Variants in IPO5 observed in about 807,000 individuals in gnomAD.
IPO5 encodes the protein importin-5.
IPO5 carries 18 observed loss-of-function variants against 143.3 expected under a neutral mutation model. That is an observed-to-expected ratio of 0.13 (90% CI 0.09 to 0.19). The LOEUF (loss-of-function observed/expected upper bound fraction) is 0.19. IPO5 is among the 10% of genes least tolerant of loss of function. The pLI, the probability that IPO5 is intolerant of heterozygous loss-of-function variation, is 1.00. For missense variants in IPO5, 1,013 were observed against 1,336.9 expected (o/e 0.76, Z 3.78); for synonymous variants, 477 against 465.7 (o/e 1.02, Z -0.31).
At chr13:97,970,155 T>C (rs999136296) in intron 3 of IPO5, among the ~76,000 whole-genome samples, 2 of 152,232 alleles carry the variant, frequency 1.3e-5, no homozygotes, top group Non-Finnish European at 2.9e-5. Flanking sequence ...CTAGTAGCCA[T>C]ATTTTTAACA....
intron 21 of IPO5, 99 bp downstream of exon 21, chr13:98,012,441 A>C (rs2139834455): frequency 1.3e-6 from 1 of 762,860 alleles, no homozygotes; most frequent in East Asian, 2.5e-5. Context: ...CTTCACCATG[A>C]TTGTTTGTAT....
chr13:98,007,089 C>T (rs1889327515), intron 17 of IPO5, among the ~76,000 whole-genome samples: 1 of 151,718 alleles, frequency 6.6e-6, no homozygotes. Flanking sequence ...GCCAGGCTAG[C>T]CCTGATCTCC....
At chr13:98,008,330 C>T (rs756733864) in intron 18 of IPO5, among the ~76,000 whole-genome samples, 188 bp downstream of exon 18, 8 of 152,140 alleles carry the variant, frequency 5.3e-5, no homozygotes, top group Non-Finnish European at 1.0e-4. Flanking sequence ...GTAGGTTGCT[C>T]TTGCTTTCTG....
Position 98,016,812 on chromosome 13 carries a change from A to G in IPO5, c.2577A>G (p.Pro859=), listed in dbSNP as rs764390237. 1.4e-5 allele frequency: 22 copies of G among 1,580,626 alleles called. No individual in the cohort carries two copies. The East Asian group carries it at 4.3e-4, about 31-fold the overall frequency. ...GTAGCTACAAAGAAAAGGTGTTACC[A>G]TGGTTTGAACAGCTGCTTCCATTAA... The part of the protein sequence containing the change: ...IFSSYKEKVL[P]WFEQLLPLIV... Residue 859 remains proline (P), a synonymous_variant, in exon 25 of 29, where the codon CCA becomes CCG. Transcript: ENST00000651721.
chr13:97,990,587 T>C lies in IPO5; in HGVS notation c.669+50T>C, dbSNP rs547271552. On this transcript the variant is annotated intron_variant, in intron 9 of 28. Transcript: ENST00000651721. ...CATAATTATATCTTATTTGGTTCTT[T>C]AATGCATTCAATCATTTATGCAATA... is the stretch of plus-strand genomic sequence containing the variant. The C allele has an allele frequency of 7.8e-6, 8 of 1,020,924 alleles. No individual in the cohort carries two copies. The South Asian group carries it at 8.6e-5, about 11-fold the overall frequency. 63.2% of individuals were successfully genotyped at this position (1,020,924 alleles called of 1,614,324 possible). A position where few individuals can be genotyped will look rare whatever the true frequency, so the allele number is the denominator to read the frequency against.
chr13:97,974,568 C>A (rs550153271), intron 3 of IPO5, among the ~76,000 whole-genome samples: 1 of 151,888 alleles, frequency 6.6e-6, no homozygotes, highest in Non-Finnish European at 1.5e-5. Context: ...CCTCGGCCCC[C>A]CAAAGTGCTG....
intron 3 of IPO5, 40 bp from the exon 4 acceptor site, chr13:97,976,653 C>G: frequency 2.9e-6 from 3 of 1,045,070 alleles, no homozygotes; most frequent in Non-Finnish European, 3.9e-6. Context: ...GCGCGCCTCA[C>G]GGCTCCTGTC....
rs774478039 is a variant in IPO5, at chr13:97,976,764, A to G, written c.68A>G (p.Asn23Ser). 6.4e-6 allele frequency: 9 copies of G among 1,404,152 alleles called. No individual in the cohort carries two copies. The highest frequency in any genetic ancestry group is 7.6e-5 in the East Asian group (2 of 26,278). 87.0% of individuals were successfully genotyped at this position (1,404,152 alleles called of 1,614,324 possible). A position where few individuals can be genotyped will look rare whatever the true frequency, so the allele number is the denominator to read the frequency against. The change falls in exon 4 of 29, where the codon AAT becomes AGT. Residue 23 changes from asparagine (N) to serine (S), a missense_variant. Around this residue, in one of 2 missense-constraint regions of IPO5, gnomAD observed 328 missense variants for 342.0 expected, o/e 0.96. Coordinates refer to ENST00000651721, the MANE Select transcript of IPO5 (RefSeq NM_002271.6). The part of the protein sequence containing the change: ...LLLGNLLSPD[N>S]VVRKQAEETY... ...CTGGGAAACCTGCTCAGCCCCGACA[A>G]TGTGGTCCGGAAACAGGCAGAGGTA...
At chr13:98,007,671 T>G in intron 17 of IPO5, 1 of 162,086 alleles carries the variant, frequency 6.2e-6, no homozygotes. Flanking sequence ...GCTGCCTGTT[T>G]ATACAATGGA....
chr13:97,953,916 C>T (rs753775919), intron 1 of IPO5, 200 bp downstream of exon 1: 2 of 455,894 alleles, frequency 4.4e-6, no homozygotes, highest in Admixed American at 2.4e-5. Flanking sequence ...GAACATTCTA[C>T]ACAAAAACCA....
intron 9 of IPO5, among the ~76,000 whole-genome samples, 173 bp downstream of exon 9, chr13:97,990,710 AAG>A (rs1274557448): frequency 3.9e-5 from 6 of 152,178 alleles, no homozygotes; most frequent in Admixed American, 6.5e-5. Context: ...CTGCCTTTGA[AAG>A]ACATTTTTAG....
chr13:98,010,186 G>T lies in IPO5; in HGVS notation c.2017G>T (p.Ala673Ser). ...TCAGCAAAGCTTTGGTATTAAAACT[G>T]CAGGACTAGAAGAAAAATCAACTGC... Reference protein sequence around the residue: ...GDQQSFGIKTAGLEEKSTACQ... With the variant: ...GDQQSFGIKTSGLEEKSTACQ... Residue 673 changes from alanine (A) to serine (S), a missense_variant, in exon 20 of 29, where the codon GCA becomes TCA. By Grantham distance (99) the Ala-to-Ser change is moderately conservative (BLOSUM62 1). Transcript: ENST00000651721. 2.5e-6 allele frequency: 4 copies of T among 1,614,094 alleles called. No individual in the cohort carries two copies. The highest frequency in any genetic ancestry group is 3.4e-6 in the Non-Finnish European group (4 of 1,179,968).
Position 97,956,394 on chromosome 13 carries a change from G to T in IPO5, c.-113+2196G>T, listed in dbSNP as rs1443471509. Among the ~76,000 whole-genome samples, 3 of 152,024 alleles carry T rather than the reference G, an allele frequency of 2.0e-5. No homozygotes were observed. The South Asian group carries it at 6.2e-4, about 32-fold the overall frequency. On this transcript the variant is annotated intron_variant, in intron 2 of 28. Coordinates refer to ENST00000651721, the MANE Select transcript of IPO5 (RefSeq NM_002271.6). The stretch of plus-strand genomic sequence containing the variant: ...ATATATAAAAAAGTGCTTTTTTACA[G>T]AAGTCAGAAGAAAGTAGGTTGAGCA...
At chr13:97,992,233 A>G (rs551901386) in intron 9 of IPO5, among the ~76,000 whole-genome samples, 2 of 152,360 alleles carry the variant, frequency 1.3e-5, no homozygotes, top group Admixed American at 1.3e-4. Context: ...TAAAATGTTT[A>G]CCACAACTTT....
intron 20 of IPO5, among the ~76,000 whole-genome samples, chr13:98,010,780 C>CGTTTTTTT (rs1889639079): frequency 1.4e-5 from 1 of 70,032 alleles, no homozygotes; most frequent in African/African-American, 9.5e-5. Flanking sequence ...AAGGATAATC[C>CGTTTTTTT]TTTTTTTTTT....
intron 5 of IPO5, among the ~76,000 whole-genome samples, chr13:97,983,362 A>T (rs190749886): frequency 6.6e-6 from 1 of 152,302 alleles, no homozygotes; most frequent in Admixed American, 6.5e-5. Flanking sequence ...AGGAACAGAG[A>T]CATTTTCTAG....
intron 2 of IPO5, among the ~76,000 whole-genome samples, chr13:97,963,998 T>C (rs1457782361): frequency 1.3e-5 from 2 of 152,224 alleles, no homozygotes; most frequent in Non-Finnish European, 2.9e-5. Flanking sequence ...ATGTCTTCTT[T>C]TGAGAAGTGT....
chr13:97,954,386 A>G (rs751662651), intron 2 of IPO5, among the ~76,000 whole-genome samples, 188 bp downstream of exon 2: 5 of 152,186 alleles, frequency 3.3e-5, no homozygotes, highest in Non-Finnish European at 7.3e-5. Context: ...CTGCTTTCCT[A>G]TAGGGAGAAT....
rs1218288597 is a variant in IPO5, at chr13:98,019,632, A to C, written c.2888A>C (p.Lys963Thr). The change falls in exon 27 of 29, where the codon AAA becomes ACA. Residue 963 changes from lysine (K) to threonine (T), a missense_variant. Lys to Thr is a moderately conservative substitution (Grantham distance 78). Coordinates refer to ENST00000651721, the MANE Select transcript of IPO5 (RefSeq NM_002271.6). ...RVIQSADSKT[K>T]ENVNATENCI... ...ATTCAGTCTGCGGATTCTAAGACCA[A>C]AGAAAATGTCAATGCTACAGAGAAC... 6.2e-7 allele frequency: 1 copy of C among 1,614,182 alleles called. No homozygotes were observed. The highest frequency in any genetic ancestry group is 8.5e-7 in the Non-Finnish European group (1 of 1,180,012).
Sources: allele counts gnomAD v4.1 joint callset (sites outside exome capture counted in the v4.1 genomes callset), GRCh38; gene constraint gnomAD v4.1.1; regional missense constraint gnomAD v4.1.1; transcripts MANE v1.5; gene names NCBI Gene and HGNC (gene_info 2026-07-23, HGNC 2026-07-21).